Variants in RGS3 observed in about 807,000 individuals in gnomAD.
RGS3 encodes the protein regulator of G-protein signalling 3.
In RGS3, 80 loss-of-function variants were observed where a neutral mutation model predicts 132.6. That is an observed-to-expected ratio of 0.60 (90% confidence interval 0.50 to 0.73). RGS3 has a LOEUF of 0.73. Ranked by LOEUF, RGS3 falls within the 30% of genes least tolerant of loss-of-function variation. RGS3 has a pLI of 0.00. For missense variants in RGS3, 1,382 were observed against 1,530.8 expected, an observed-to-expected ratio of 0.90 and a Z score of 1.62; for synonymous variants, 598 against 620.6, an observed-to-expected ratio of 0.96 and a Z score of 0.54.
At chr9:113,500,019 A>G (rs1372117348) in intron 10 of RGS3, among the ~76,000 whole-genome samples, 1 of 152,088 alleles carries the variant, frequency 6.6e-6, no homozygotes, top group Non-Finnish European at 1.5e-5. Context: ...CTCGTGATTC[A>G]TGGAAATTAC....
chr9:113,465,119 G>T (rs1829587135), intron 3 of RGS3, among the ~76,000 whole-genome samples: 1 of 152,186 alleles, frequency 6.6e-6, no homozygotes, highest in South Asian at 2.1e-4. Context: ...CCCAGCGTAG[G>T]AGGCAATTCC....
At chr9:113,543,052 T>C (rs1215045057) in intron 19 of RGS3, among the ~76,000 whole-genome samples, 2 of 152,126 alleles carry the variant, frequency 1.3e-5, no homozygotes, top group African/African-American at 2.4e-5. Flanking sequence ...CATACTCTTA[T>C]CTAACTGCCA....
At chr9:113,483,441 CT>C (rs1335150218) in intron 5 of RGS3, among the ~76,000 whole-genome samples, 4 of 152,230 alleles carry the variant, frequency 2.6e-5, no homozygotes, top group Non-Finnish European at 5.9e-5. Context: ...TTTTCACCCA[CT>C]TTCCCCCCAA....
chr9:113,524,484 G>T (rs1832108130), intron 17 of RGS3, among the ~76,000 whole-genome samples: 1 of 152,200 alleles, frequency 6.6e-6, no homozygotes, highest in Admixed American at 6.5e-5. Flanking sequence ...ACCCTGGTTT[G>T]CTCAGCTTCC....
At chr9:113,492,163 C>T (rs1313148335) in intron 7 of RGS3, among the ~76,000 whole-genome samples, 1 of 152,186 alleles carries the variant, frequency 6.6e-6, no homozygotes, top group Non-Finnish European at 1.5e-5. Flanking sequence ...AAGTGCATTT[C>T]CTCAAAAAAT....
rs7870142 is a variant in RGS3, at chr9:113,507,174, T to G, written c.1086-113T>G. The G allele has an allele frequency of 3.6e-6, 3 of 831,024 alleles. No homozygotes were observed. The highest frequency in any genetic ancestry group is 3.4e-5 in the African/African-American group (2 of 58,496). The allele number at this position is 831,024 out of a possible 1,614,324, so 51.5% of individuals were successfully genotyped here. The stretch of plus-strand genomic sequence containing the variant: ...CTGCCCTGACACTGGGGGCTTCCCC[T>G]CTGGTGTCTGCCTCCTCTTCCCCCA... On this transcript the variant is annotated intron_variant, in intron 12 of 24. Transcript: ENST00000350696. The surrounding 1 kb of genome is among the most constrained non-coding windows in gnomAD (Gnocchi z 5.0).
chr9:113,524,843 C>T (rs1307456516), intron 17 of RGS3, among the ~76,000 whole-genome samples: 1 of 152,220 alleles, frequency 6.6e-6, no homozygotes, highest in Non-Finnish European at 1.5e-5. Context: ...TGGGATCTCC[C>T]CTTCTGGAGG....
At chr9:113,583,534 A>G (rs1475452782) in exon 20 of RGS3, 1 of 1,614,208 alleles carries the variant, frequency 6.2e-7, no homozygotes. Context: ...CCCACCCAGC[A>G]AGGAGCCCTC....
exon 25 of RGS3, chr9:113,597,273 T>G: frequency 4.7e-6 from 1 of 213,114 alleles, no homozygotes. Context: ...GTTGACCAAG[T>G]TCCTTAAAGA....
chr9:113,588,926 T>C (rs1027716132), intron 20 of RGS3, among the ~76,000 whole-genome samples: 3 of 150,680 alleles, frequency 2.0e-5, no homozygotes, highest in Non-Finnish European at 4.4e-5. Flanking sequence ...TCCAGGCAAT[T>C]AAAAATCTAC....
chr9:113,511,719 A>C (rs1318912969), intron 14 of RGS3, among the ~76,000 whole-genome samples: 1 of 152,106 alleles, frequency 6.6e-6, no homozygotes, highest in Non-Finnish European at 1.5e-5. Flanking sequence ...TTTTTTAAGA[A>C]GTCCGAGACT....
chr9:113,524,185 G>A (rs942129627), intron 17 of RGS3, among the ~76,000 whole-genome samples: 1 of 152,148 alleles, frequency 6.6e-6, no homozygotes, highest in Admixed American at 6.5e-5. Flanking sequence ...CTGTTCCTGG[G>A]CTTTCCTGCC....
intron 3 of RGS3, among the ~76,000 whole-genome samples, chr9:113,465,586 C>A (rs1564450355): frequency 6.6e-6 from 1 of 151,924 alleles, no homozygotes; most frequent in Non-Finnish European, 1.5e-5. Flanking sequence ...TGAATATTTC[C>A]TTGCATTGGT....
At chr9:113,503,556 C>G (rs754456329) in intron 10 of RGS3, 3 of 152,314 alleles carry the variant, frequency 2.0e-5, no homozygotes, top group Non-Finnish European at 4.4e-5. Context: ...GATGTGGGGT[C>G]TGGGTGTGGG....
Position 113,502,526 on chromosome 9 carries a change from G to T in RGS3, c.898-2916G>T, listed in dbSNP as rs764004272. Among the ~76,000 whole-genome samples the T allele has an allele frequency of 3.8e-4, 58 of 152,208 alleles. 1 individual carries two copies. Among genetic ancestry groups the T allele is most frequent in the Admixed American group, 3.3e-4 (5 of 15,274 alleles). On this transcript the variant is annotated intron_variant, in intron 10 of 24. Coordinates refer to ENST00000350696, the Ensembl canonical transcript of RGS3. The stretch of plus-strand genomic sequence containing the variant: ...TAGCCCTCCCCCGCTCTCAGGTTCT[G>T]CCCTTCAGGCCCCACTCTGTGTTTC...
At position 113,594,919 on chromosome 9, in the gene RGS3, G is replaced by A. The variant is rs748809126; in HGVS notation, c.3183G>A (p.Lys1061=). 6.8e-6 allele frequency: 11 copies of A among 1,613,914 alleles called. No individual in the cohort carries two copies. The highest frequency in any genetic ancestry group is 9.3e-6 in the Non-Finnish European group (11 of 1,179,890). The change falls in exon 23 of 25, where the codon AAG becomes AAA. Residue 1061 remains lysine (K), a splice_region_variant and synonymous_variant. Transcript: ENST00000350696. ...CTGTGTTTCCTCCCTCACCCCTCAG[G>A]CCCACCTCAGAGGAAGCCCTCAAGT... is the stretch of plus-strand genomic sequence containing the variant.
intron 20 of RGS3, chr9:113,589,363 T>A (rs1353942517): frequency 6.6e-6 from 1 of 152,192 alleles, no homozygotes; most frequent in Non-Finnish European, 1.5e-5. Flanking sequence ...GCTCACAGGC[T>A]CTTTTTGGTG....
rs1831152563 is a variant in RGS3, at chr9:113,506,832, TG to T, written c.1085+340del. ...TTTAAGGGCATGAAGATGTTGCAAA[TG>T]TTTCAATTGCACAATTAAAAAAATA... is the stretch of plus-strand genomic sequence containing the variant. On this transcript the variant is annotated intron_variant, in intron 12 of 24. Transcript: ENST00000350696. The surrounding 1 kb of genome is among the most constrained non-coding windows in gnomAD (Gnocchi z 4.7). 6.6e-6 allele frequency among the ~76,000 whole-genome samples: 1 copy of T among 152,192 alleles called. No individual in the cohort carries two copies. Among genetic ancestry groups the T allele is most frequent in the Non-Finnish European group, 1.5e-5 (1 of 68,038 alleles).
intron 1 of RGS3, among the ~76,000 whole-genome samples, chr9:113,446,894 T>C (rs981019622): frequency 6.6e-6 from 1 of 152,106 alleles, no homozygotes; most frequent in African/African-American, 2.4e-5. Context: ...GGCAGAAATA[T>C]CAAAAGTGAT....
Sources: allele counts gnomAD v4.1 joint callset (sites outside exome capture counted in the v4.1 genomes callset), GRCh38; gene constraint gnomAD v4.1.1; non-coding constraint Gnocchi (gnomAD v3.1); transcripts MANE v1.5; gene names NCBI Gene and HGNC (gene_info 2026-07-23, HGNC 2026-07-21).